CLDN12: variants seen among roughly 807,000 people sequenced by gnomAD.
CLDN12 encodes the protein claudin 12.
In CLDN12, 9 loss-of-function variants were observed where a neutral mutation model predicts 15.5. That is an observed-to-expected ratio of 0.58 (90% CI 0.35 to 1.02). CLDN12 has a LOEUF of 1.02. Ranked by LOEUF, CLDN12 falls within the 50% of genes least tolerant of loss-of-function variation. CLDN12 has a pLI of 0.02. For missense variants in CLDN12, 233 were observed against 297.3 expected, an observed-to-expected ratio of 0.78 and a Z score of 1.59; for synonymous variants, 140 against 121.6, an observed-to-expected ratio of 1.15 and a Z score of -1.00.
At chr7:90,411,748 A>G (rs532873625) in intron 2 of CLDN12, among the ~76,000 whole-genome samples, 1 of 152,332 alleles carries the variant, frequency 6.6e-6, no homozygotes, top group South Asian at 2.1e-4. Context: ...TTTACTTTTT[A>G]TAATTTCCTA....
chr7:90,412,665 A>G lies in CLDN12; in HGVS notation c.-12A>G. ...CTAGTCTGACTGACAGTACTCCACA[A>G]GCTTGCCTGCCATGGGCTGTCGGGA... On this transcript the variant is annotated 5_prime_UTR_variant, in exon 4 of 4. Coordinates refer to ENST00000496677, the MANE Select transcript of CLDN12 (RefSeq NM_001185072.3). 1.2e-6 allele frequency: 2 copies of G among 1,605,550 alleles called. No individual in the cohort carries two copies. Among genetic ancestry groups the G allele is most frequent in the Non-Finnish European group, 1.7e-6 (2 of 1,176,010 alleles).
At chr7:90,404,086 C>G (rs1387484932) in intron 1 of CLDN12, among the ~76,000 whole-genome samples, 1 of 151,936 alleles carries the variant, frequency 6.6e-6, no homozygotes, top group African/African-American at 2.4e-5. Context: ...GCTTGGTTTG[C>G]TTTCCTGTAA....
At chr7:90,409,025 G>C (rs951714866) in intron 2 of CLDN12, 4 of 151,956 alleles carry the variant, frequency 2.6e-5, no homozygotes, top group Admixed American at 2.6e-4. Flanking sequence ...GCCTCCCCAA[G>C]TGCTGGAATT....
In CLDN12 at chr7:90,413,972, C is replaced by T; in HGVS notation, c.*561C>T. 2.0e-6 allele frequency: 2 copies of T among 983,476 alleles called. No individual in the cohort carries two copies. Among genetic ancestry groups the T allele is most frequent in the Non-Finnish European group, 1.2e-6 (1 of 815,508 alleles). 60.9% of individuals were successfully genotyped at this position (983,476 alleles called of 1,614,324 possible). ...TTTGTGACTTTCTTCTACCTCATGC[C>T]ACTGTTTAAAAGTAAAACGTATTTT... On this transcript the variant is annotated 3_prime_UTR_variant, in exon 4 of 4. Transcript: ENST00000496677.
intron 2 of CLDN12, among the ~76,000 whole-genome samples, chr7:90,410,281 A>G (rs531580475): frequency 6.6e-6 from 1 of 152,306 alleles, no homozygotes; most frequent in South Asian, 2.1e-4. Context: ...TGAAAAAAAT[A>G]CTGTAATTAG....
At chr7:90,406,030 G>C (rs1483561899) in intron 2 of CLDN12, 2 of 152,356 alleles carry the variant, frequency 1.3e-5, no homozygotes, top group Non-Finnish European at 2.9e-5. Flanking sequence ...TTGAGCCTCG[G>C]AGGTCGAGGC....
Position 90,413,039 on chromosome 7 carries a change from A to T in CLDN12, c.363A>T (p.Lys121Asn). The T allele has an allele frequency of 6.2e-7, 1 of 1,614,188 alleles. No homozygotes were observed. The highest frequency in any genetic ancestry group is 2.2e-5 in the East Asian group (1 of 44,886). ...TAFRSSVPNI[K>N]LAKCLVNSAG... is the part of the protein sequence containing the mutation. ...TCAGGTCCTCGGTGCCCAACATCAA[A>T]CTGGCCAAGTGTCTGGTCAATAGTG... Residue 121 changes from lysine to asparagine, a missense_variant, in exon 4 of 4, where the codon AAA becomes AAT. Lys to Asn is a moderately conservative substitution (Grantham distance 94). Transcript: ENST00000496677.
rs780285790 is a variant in CLDN12 at position 90,413,321 on chromosome 7, C to T, written c.645C>T (p.Pro215=). The change falls in exon 4 of 4, where the codon CCC becomes CCT. Residue 215 remains proline (P), a synonymous_variant. Transcript: ENST00000496677. Reference sequence around the variant, plus strand: ...GGCAACCATTGTACTCCCATCCACCCAGTATGCATACTTACTCACAGCCCT... The same window carrying T: ...GGCAACCATTGTACTCCCATCCACCTAGTATGCATACTTACTCACAGCCCT... The part of the protein sequence containing the change: ...PFWQPLYSHP[P]SMHTYSQPYS... 1 of 1,614,186 alleles carries T rather than the reference C, an allele frequency of 6.2e-7. No individual in the cohort carries two copies. Among genetic ancestry groups the T allele is most frequent in the Non-Finnish European group, 8.5e-7 (1 of 1,180,018 alleles).
intron 2 of CLDN12, among the ~76,000 whole-genome samples, chr7:90,409,800 A>G (rs979620890): frequency 2.6e-5 from 4 of 152,348 alleles, no homozygotes; most frequent in East Asian, 3.9e-4. Context: ...TTGAGTTTAC[A>G]TAAGACAGCC....
intron 2 of CLDN12, 128 bp downstream of exon 2, chr7:90,405,736 T>C (rs899296920): frequency 6.6e-6 from 1 of 152,114 alleles, no homozygotes; most frequent in African/African-American, 2.4e-5. Context: ...GTGAGTACAA[T>C]GACTGATGAC....
Position 90,413,863 on chromosome 7 carries a change from A to G in CLDN12, c.*452A>G. On this transcript the variant is annotated 3_prime_UTR_variant, in exon 4 of 4. Coordinates refer to ENST00000496677, the MANE Select transcript of CLDN12 (RefSeq NM_001185072.3). ...CAGGTAAGGGTAATATTTTAATAGT[A>G]GTCAATAATCTAGCTTAAGGCTGTA... 2.0e-6 allele frequency: 2 copies of G among 999,776 alleles called. No individual in the cohort carries two copies. The highest frequency in any genetic ancestry group is 2.4e-6 in the Non-Finnish European group (2 of 829,488). The allele number at this position is 999,776 out of a possible 1,614,324, so 61.9% of individuals were successfully genotyped here. A position where few individuals can be genotyped will look rare whatever the true frequency, so the allele number is the denominator to read the frequency against.
chr7:90,413,909 T>G lies in CLDN12; in HGVS notation c.*498T>G. ...CTGTAACTCTTCTATCGGGGCTAATTGTATGAATAGGTGTCAGTATGTTGA... is the reference window on the plus strand; with the variant it reads ...CTGTAACTCTTCTATCGGGGCTAATGGTATGAATAGGTGTCAGTATGTTGA... On this transcript the variant is annotated 3_prime_UTR_variant, in exon 4 of 4. Transcript: ENST00000496677. 1 of 998,662 alleles carries G rather than the reference T, an allele frequency of 1.0e-6. No homozygotes were observed. Among genetic ancestry groups the G allele is most frequent in the Middle Eastern group, 5.2e-4 (1 of 1,914 alleles). The allele number at this position is 998,662 out of a possible 1,614,324, so 61.9% of individuals were successfully genotyped here.
Position 90,413,436 on chromosome 7 carries a change from A to G in CLDN12, c.*25A>G. The G allele has an allele frequency of 6.3e-7, 1 of 1,599,146 alleles. No homozygotes were observed. Among genetic ancestry groups the G allele is most frequent in the South Asian group, 1.1e-5 (1 of 89,146 alleles). Reference sequence around the variant, plus strand: ...ATGGGGAAATAGTTAATTGTTAAAGAAAACTTCTTGTAGCCTCACATTCCC... The same window carrying G: ...ATGGGGAAATAGTTAATTGTTAAAGGAAACTTCTTGTAGCCTCACATTCCC... On this transcript the variant is annotated 3_prime_UTR_variant, in exon 4 of 4. Transcript: ENST00000496677.
rs1796989976 is a variant in CLDN12 at position 90,412,636 on chromosome 7, C to T, written c.-33-8C>T. ...TCATGATTTGTCCTCTTGTGTGTCACCCCCTAGTCTGACTGACAGTACTCC... is the reference window on the plus strand; with the variant it reads ...TCATGATTTGTCCTCTTGTGTGTCATCCCCTAGTCTGACTGACAGTACTCC... On this transcript the variant is annotated splice_region_variant and splice_polypyrimidine_tract_variant and intron_variant, in intron 3 of 3. Transcript: ENST00000496677. 3 of 1,582,584 alleles carry T rather than the reference C, an allele frequency of 1.9e-6. No individual in the cohort carries two copies.
intron 2 of CLDN12, among the ~76,000 whole-genome samples, chr7:90,410,412 T>C (rs1030145263): frequency 6.6e-6 from 1 of 152,182 alleles, no homozygotes. Flanking sequence ...ATGTTTAACT[T>C]GAGGGCTTTA....
Position 90,413,231 on chromosome 7 carries a change from G to A in CLDN12, c.555G>A (p.Leu185=), listed in dbSNP as rs1416451842. Residue 185 remains leucine (L), a synonymous_variant, in exon 4 of 4, where the codon CTG becomes CTA. Coordinates refer to ENST00000496677, the MANE Select transcript of CLDN12 (RefSeq NM_001185072.3). ...TCACTATTGCTAGTGCTGGGGGCCT[G>A]TTTATGACTTCCCTTATACTATTTA... The part of the protein sequence containing the change: ...VYVTIASAGG[L]FMTSLILFIW... The A allele has an allele frequency of 1.7e-5, 27 of 1,614,034 alleles. No individual in the cohort carries two copies. Among genetic ancestry groups the A allele is most frequent in the Non-Finnish European group, 2.1e-5 (25 of 1,180,026 alleles).
intron 1 of CLDN12, among the ~76,000 whole-genome samples, chr7:90,404,968 C>A (rs1472216984): frequency 2.0e-5 from 3 of 151,770 alleles, no homozygotes; most frequent in Admixed American, 1.3e-4. Context: ...TCATGACTCA[C>A]TGTGTCCTCA....
At chr7:90,405,427 A>G (rs1276132434) in intron 1 of CLDN12, 92 bp from the exon 2 acceptor site, 1 of 152,076 alleles carries the variant, frequency 6.6e-6, no homozygotes, top group East Asian at 1.9e-4. Context: ...GTTTTAGGTG[A>G]TTACTAATCA....
chr7:90,407,698 C>A (rs140283313), intron 2 of CLDN12, among the ~76,000 whole-genome samples: 3 of 152,232 alleles, frequency 2.0e-5, no homozygotes, highest in Non-Finnish European at 4.4e-5. Context: ...AAAAGTGCTA[C>A]CACAGCATAT....
Sources: gnomAD v4.1 joint callset for allele counts (sites outside exome capture counted in the v4.1 genomes callset) on GRCh38, gnomAD v4.1.1 for gene constraint, MANE v1.5 for transcripts, NCBI Gene and HGNC (gene_info 2026-07-23, HGNC 2026-07-21) for gene names.